WDR86: variants seen among roughly 807,000 people sequenced by gnomAD.
WDR86 encodes the protein WD repeat domain 86.
In WDR86, 30 loss-of-function variants were observed where a neutral mutation model predicts 36.5. The observed-to-expected ratio is 0.82, with a 90% CI of 0.61 to 1.11. WDR86 has a LOEUF of 1.11. Among genes scored for constraint, WDR86 ranks in the 50% most tolerant of loss-of-function variants. The probability of loss-of-function intolerance (pLI) is 0.00; values close to 1 mark genes in which losing one functional copy is unlikely to be tolerated. For synonymous variants in WDR86, 255 were observed against 252.9 expected (o/e 1.01, Z -0.08); for missense variants, 545 against 561.2 (o/e 0.97, Z 0.29).
Position 151,390,992 on chromosome 7 carries a change from C to T in WDR86, c.726+4784G>A, listed in dbSNP as rs769672458. Among the ~76,000 whole-genome samples the T allele has an allele frequency of 1.1e-4, 16 of 152,244 alleles. No homozygotes were observed. The highest frequency in any genetic ancestry group is 2.1e-4 in the South Asian group (1 of 4,834). On this transcript the variant is annotated intron_variant, in intron 3 of 5. Transcript: ENST00000334493. This position sits in a 1 kb window ranked among gnomAD's most constrained non-coding sequence, Gnocchi z 4.5. Reference sequence around the variant, plus strand: ...CTTGCACAACACTGAACGTGCTTCACGCCCTGAGTAAATGCTGAAAATGGT... The same window carrying T: ...CTTGCACAACACTGAACGTGCTTCATGCCCTGAGTAAATGCTGAAAATGGT...
downstream of WDR86, chr7:151,376,876 C>T (rs1355673813): frequency 2.7e-6 from 4 of 1,502,964 alleles, no homozygotes; most frequent in Non-Finnish European, 3.6e-6. Flanking sequence ...ACAGATGTGG[C>T]CCTAAGCCAC....
chr7:151,373,865 C>T (rs115347539), downstream of WDR86, among the ~76,000 whole-genome samples: 361 of 152,132 alleles, frequency 2.4e-3, 4 homozygotes, highest in African/African-American at 8.0e-3. Context: ...TCCTGCCCCA[C>T]GGGCATCTCA....
intron 1 of WDR86, among the ~76,000 whole-genome samples, chr7:151,402,458 AAGAC>A: frequency 6.6e-6 from 1 of 152,290 alleles, no homozygotes; most frequent in East Asian, 1.9e-4. Flanking sequence ...CCCAGAAGGG[AAGAC>A]AGTCAAGGGC....
intron 3 of WDR86, 41 bp downstream of exon 3, chr7:151,395,735 G>T: frequency 6.6e-7 from 1 of 1,512,924 alleles, no homozygotes. Flanking sequence ...GGGGTGACCT[G>T]GGCTCCCCTG....
downstream of WDR86, chr7:151,376,401 C>T (rs1798252072): frequency 1.9e-6 from 1 of 536,908 alleles, no homozygotes; most frequent in Non-Finnish European, 3.3e-6. Flanking sequence ...AGCCCGAGGT[C>T]ACTGCCTGTC....
chr7:151,385,813 G>C (rs1298573999), intron 3 of WDR86, among the ~76,000 whole-genome samples: 2 of 152,304 alleles, frequency 1.3e-5, no homozygotes, highest in East Asian at 3.9e-4. Flanking sequence ...AGGAGGTACG[G>C]AGAGGGCCCA....
chr7:151,383,208 C>T (rs901991984), intron 4 of WDR86, among the ~76,000 whole-genome samples: 1 of 151,542 alleles, frequency 6.6e-6, no homozygotes, highest in Non-Finnish European at 1.5e-5. Context: ...CAGTGGCTCA[C>T]GCCTGTAATC....
rs574240847 is a variant in WDR86 at position 151,390,184 on chromosome 7, C to A, written c.727-4961G>T. ...CGGAGCACTCGCAGGGCCAGGGCTG[C>A]GGAGCAGGGGAGGAGCTGGAGGGGA... On this transcript the variant is annotated intron_variant, in intron 3 of 5. Transcript: ENST00000334493. The surrounding 1 kb of genome is among the most constrained non-coding windows in gnomAD (Gnocchi z 4.5). Among the ~76,000 whole-genome samples, 3 of 152,246 alleles carry A rather than the reference C, an allele frequency of 2.0e-5. No homozygotes were observed. The highest frequency in any genetic ancestry group is 7.2e-5 in the African/African-American group (3 of 41,540).
Position 151,395,923 on chromosome 7 carries a change from C to T in WDR86, c.579G>A (p.Thr193=), listed in dbSNP as rs1265023180. 2.9e-5 allele frequency: 47 copies of T among 1,597,852 alleles called. No homozygotes were observed. Among genetic ancestry groups the T allele is most frequent in the Non-Finnish European group, 3.6e-5 (42 of 1,175,712 alleles). The part of the protein sequence containing the change: ...GCCHQTLRGH[T]GAVLCLVLDT... Reference sequence around the variant, plus strand: ...CTAGCACTAGGCACAGCACTGCACCCGTGTGGCCCCGCAGCGTCTGGTGGC... The same window carrying T: ...CTAGCACTAGGCACAGCACTGCACCTGTGTGGCCCCGCAGCGTCTGGTGGC... The change falls in exon 3 of 6, where the codon ACG becomes ACA. Residue 193 remains threonine, a synonymous_variant. Coordinates refer to ENST00000334493, the MANE Select transcript of WDR86 (RefSeq NM_198285.3).
chr7:151,376,735 A>G (rs762030419), downstream of WDR86: 27 of 1,603,608 alleles, frequency 1.7e-5, no homozygotes, highest in Admixed American at 2.9e-4. Context: ...ACAACGGAGG[A>G]AGCCTGCCTC....
chr7:151,381,441 T>C lies in WDR86; in HGVS notation c.*141A>G, dbSNP rs1400162536. ...GGCCACCAAAGAAAAACCAGACGCC[T>C]GCGACGGGCTCTCCTCCCGCCCGGG... is the stretch of plus-strand genomic sequence containing the variant. On this transcript the variant is annotated 3_prime_UTR_variant, in exon 6 of 6. Coordinates refer to ENST00000334493, the MANE Select transcript of WDR86 (RefSeq NM_198285.3). The surrounding 1 kb of genome is among the most constrained non-coding windows in gnomAD (Gnocchi z 4.8). The C allele has an allele frequency of 1.3e-6, 2 of 1,491,882 alleles. No homozygotes were observed. Among genetic ancestry groups the C allele is most frequent in the African/African-American group, 1.5e-5 (1 of 68,848 alleles). 92.4% of individuals were successfully genotyped at this position (1,491,882 alleles called of 1,614,324 possible).
At chr7:151,379,590 G>A (rs186492348), downstream of WDR86, among the ~76,000 whole-genome samples, 9 of 152,300 alleles carry the variant, frequency 5.9e-5, no homozygotes, top group East Asian at 1.7e-3. Flanking sequence ...AAACCAGAGC[G>A]AAAATGGACA....
intron 4 of WDR86, among the ~76,000 whole-genome samples, chr7:151,382,965 A>C (rs1296543464): frequency 6.7e-6 from 1 of 148,418 alleles, no homozygotes; most frequent in African/African-American, 2.5e-5. Flanking sequence ...CTCTGTGGGT[A>C]CTTGTTCCCC....
rs1288878521 is a variant in WDR86, at chr7:151,409,495, G to A, written c.95C>T (p.Thr32Met). Residue 32 changes from threonine to methionine, a missense_variant, in exon 1 of 6, where the codon ACG (threonine) becomes ATG (methionine). Coordinates refer to ENST00000334493, the MANE Select transcript of WDR86 (RefSeq NM_198285.3). The surrounding 1 kb of genome is among the most constrained non-coding windows in gnomAD (Gnocchi z 5.2). Reference protein sequence around the residue: ...SLSPDGQRLLTGSEDGTARLW... With the variant: ...SLSPDGQRLLMGSEDGTARLW... ...CCGGGCCGTGCCGTCCTCGCTGCCC[G>A]TCAGCAGGCGCTGCCCGTCGGGGCT... 3 of 1,533,754 alleles carry A rather than the reference G, an allele frequency of 2.0e-6. No homozygotes were observed. The African/African-American group carries it at 4.1e-5, about 21-fold the overall frequency.
downstream of WDR86, chr7:151,376,796 C>T (rs1458457448): frequency 2.5e-6 from 4 of 1,585,414 alleles, no homozygotes; most frequent in East Asian, 6.9e-5. Context: ...AGCCACGTCC[C>T]CTTCTGACTC....
At chr7:151,391,768 C>T (rs754210509) in intron 3 of WDR86, among the ~76,000 whole-genome samples, 8 of 152,108 alleles carry the variant, frequency 5.3e-5, no homozygotes, top group Admixed American at 2.0e-4. Flanking sequence ...AGGGAGATGG[C>T]GGGAACAAAG....
In WDR86 at chr7:151,381,339, G is replaced by T; in HGVS notation, c.*243C>A. On this transcript the variant is annotated 3_prime_UTR_variant, in exon 6 of 6. Coordinates refer to ENST00000334493, the MANE Select transcript of WDR86 (RefSeq NM_198285.3). This position sits in a 1 kb window ranked among gnomAD's most constrained non-coding sequence, Gnocchi z 4.8. ...GGCCTTTCGCCAGGTCAGGGATGGG[G>T]AGGGAGGACAGGAGCCACCCTAAAA... 17 of 1,388,498 alleles carry T rather than the reference G, an allele frequency of 1.2e-5. No homozygotes were observed. Among genetic ancestry groups the T allele is most frequent in the Non-Finnish European group, 1.5e-5 (16 of 1,079,452 alleles). 86.0% of individuals were successfully genotyped at this position (1,388,498 alleles called of 1,614,324 possible). A position where few individuals can be genotyped will look rare whatever the true frequency, so the allele number is the denominator to read the frequency against.
intron 4 of WDR86, among the ~76,000 whole-genome samples, chr7:151,384,525 G>C (rs544152530): frequency 6.6e-6 from 1 of 152,304 alleles, no homozygotes; most frequent in South Asian, 2.1e-4. Context: ...GAATCATGAG[G>C]CTTCTTTAAA....
chr7:151,391,325 C>T (rs1281699325), intron 3 of WDR86, among the ~76,000 whole-genome samples: 1 of 152,228 alleles, frequency 6.6e-6, no homozygotes, highest in Non-Finnish European at 1.5e-5. Flanking sequence ...TCAGGAAGCC[C>T]CCTCTGCGTT....
Sources: gnomAD v4.1 joint callset for allele counts (sites outside exome capture counted in the v4.1 genomes callset) on GRCh38, gnomAD v4.1.1 for gene constraint, Gnocchi (gnomAD v3.1) non-coding constraint, MANE v1.5 for transcripts, NCBI Gene and HGNC (gene_info 2026-07-23, HGNC 2026-07-21) for gene names.